DOCK2: variants seen among roughly 807,000 people sequenced by gnomAD.
DOCK2 encodes dedicator of cytokinesis 2.
DOCK2 carries 87 observed loss-of-function variants against 248.9 expected under a neutral mutation model. The observed-to-expected ratio is 0.35, with a 90% CI of 0.29 to 0.42. The LOEUF (loss-of-function observed/expected upper bound fraction) is 0.42, where lower values mean the gene tolerates loss of function less well. Ranked by LOEUF, DOCK2 falls within the 10% of genes least tolerant of loss-of-function variation. The pLI, the probability that DOCK2 is intolerant of heterozygous loss-of-function variation, is 1.00. For synonymous variants in DOCK2, 805 were observed against 821.6 expected (o/e 0.98, Z 0.35); for missense variants, 1,747 against 2,300.2 (o/e 0.76, Z 4.92).
At chr5:169,979,303 C>T in intron 27 of DOCK2, among the ~76,000 whole-genome samples, 1 of 152,174 alleles carries the variant, frequency 6.6e-6, no homozygotes, top group African/African-American at 2.4e-5. Flanking sequence ...ATTCCCCCAC[C>T]CCTATTCCTA....
Position 170,082,810 on chromosome 5 carries a change from G to A in DOCK2, c.5445G>A (p.Ser1815=), listed in dbSNP as rs200128185. 8.9e-4 allele frequency: 1,439 copies of A among 1,614,132 alleles called. 2 individuals are homozygous for A. In the East Asian group the frequency reaches 0.014, roughly 15 times the overall value. The change falls in exon 52 of 52, where the codon TCG becomes TCA. Residue 1815 remains serine, a synonymous_variant. Transcript: ENST00000520908. ...TCTCTCAAAAGCTGGCCAGCAAATC[G>A]GCTGAAGAAGGCAAACAGATCCCAG... is the stretch of plus-strand genomic sequence containing the variant. The part of the protein sequence containing the change: ...QFFKTMLASK[S]AEEGKQIPDS...
intron 7 of DOCK2, among the ~76,000 whole-genome samples, chr5:169,683,805 T>A (rs1759803777): frequency 6.6e-6 from 1 of 152,268 alleles, no homozygotes; most frequent in Admixed American, 6.5e-5. Flanking sequence ...TTGTAAGAGT[T>A]ATTTGTATGT....
At chr5:169,958,228 CA>C (rs34936678) in intron 27 of DOCK2, among the ~76,000 whole-genome samples, 109,718 of 150,354 alleles carry the variant, frequency 0.73, 40,392 homozygotes, top group African/African-American at 0.85. Context: ...CTTTGTTTTG[CA>C]AAAAAAAAAG....
At position 169,727,346 on chromosome 5, in the gene DOCK2, G is replaced by A. The variant is rs543241150; in HGVS notation, c.2267+8555G>A. ...AGAAAGGTACAGAAAGTGACTCCAGGTCACACTCTAGATGTCGGCGGGGAG... is the reference window on the plus strand; with the variant it reads ...AGAAAGGTACAGAAAGTGACTCCAGATCACACTCTAGATGTCGGCGGGGAG... On this transcript the variant is annotated intron_variant, in intron 22 of 51. Coordinates refer to ENST00000520908, the MANE Select transcript of DOCK2 (RefSeq NM_004946.3). Among the ~76,000 whole-genome samples the A allele has an allele frequency of 5.7e-4, 87 of 152,256 alleles. 1 individual carries two copies. The South Asian group carries it at 0.018, about 31-fold the overall frequency.
At chr5:169,886,408 A>G (rs933061468) in intron 27 of DOCK2, among the ~76,000 whole-genome samples, 2 of 152,204 alleles carry the variant, frequency 1.3e-5, no homozygotes, top group Admixed American at 1.3e-4. Context: ...TAGGACTTTT[A>G]GGTCTGGGAG....
At chr5:169,949,107 T>C (rs1241309886) in intron 27 of DOCK2, among the ~76,000 whole-genome samples, 1 of 152,240 alleles carries the variant, frequency 6.6e-6, no homozygotes, top group East Asian at 1.9e-4. Flanking sequence ...TGTATAGCCC[T>C]GTATTCGAAT....
intron 27 of DOCK2, among the ~76,000 whole-genome samples, chr5:169,910,324 C>A (rs1774524619): frequency 6.6e-6 from 1 of 152,250 alleles, no homozygotes; most frequent in South Asian, 2.1e-4. Flanking sequence ...CTCTTTTGAG[C>A]CCTGTAATTA....
At chr5:170,051,201 C>T (rs1422294464) in intron 41 of DOCK2, among the ~76,000 whole-genome samples, 1 of 152,164 alleles carries the variant, frequency 6.6e-6, no homozygotes, top group Non-Finnish European at 1.5e-5. Context: ...AGGAGCATAG[C>T]AGGCTCCACA....
At chr5:169,870,545 GC>G (rs1366371873) in intron 27 of DOCK2, among the ~76,000 whole-genome samples, 2 of 151,834 alleles carry the variant, frequency 1.3e-5, no homozygotes, top group Non-Finnish European at 2.9e-5. Flanking sequence ...TTTTGAATTT[GC>G]AAAGTATTTT....
intron 46 of DOCK2, among the ~76,000 whole-genome samples, chr5:170,071,177 T>C (rs922049911): frequency 2.0e-5 from 3 of 152,182 alleles, no homozygotes; most frequent in African/African-American, 7.2e-5. Context: ...CTTTTAACAT[T>C]ATCACATGCA....
chr5:169,853,240 G>A (rs1366519598), intron 27 of DOCK2, among the ~76,000 whole-genome samples: 1 of 152,154 alleles, frequency 6.6e-6, no homozygotes, highest in Non-Finnish European at 1.5e-5. Flanking sequence ...TCTTTGTTTT[G>A]TACATTGTCC....
chr5:169,689,550 T>C (rs1174940700), intron 9 of DOCK2, among the ~76,000 whole-genome samples: 1 of 152,190 alleles, frequency 6.6e-6, no homozygotes, highest in Non-Finnish European at 1.5e-5. Context: ...CATCTCTCCC[T>C]ATCCGTCTCA....
At chr5:169,680,407 CAG>C (rs1354991196) in intron 6 of DOCK2, among the ~76,000 whole-genome samples, 1 of 152,180 alleles carries the variant, frequency 6.6e-6, no homozygotes, top group Non-Finnish European at 1.5e-5. Context: ...CAATACCAAA[CAG>C]GGAAAAGCTT....
chr5:169,691,445 A>T (rs1318931010), intron 9 of DOCK2, among the ~76,000 whole-genome samples: 1 of 152,204 alleles, frequency 6.6e-6, no homozygotes, highest in Non-Finnish European at 1.5e-5. Flanking sequence ...CCTACTATGC[A>T]TGTGCTCTGT....
chr5:169,938,226 T>A (rs1037966416), intron 27 of DOCK2, among the ~76,000 whole-genome samples: 1 of 139,478 alleles, frequency 7.2e-6, no homozygotes, highest in African/African-American at 2.6e-5. Flanking sequence ...TTCTTTCTTC[T>A]TTTTTTTTTT....
chr5:170,050,075 G>T (rs1188860487), intron 40 of DOCK2, among the ~76,000 whole-genome samples, 181 bp from the exon 41 acceptor site: 1 of 152,166 alleles, frequency 6.6e-6, no homozygotes, highest in Non-Finnish European at 1.5e-5. Context: ...CTTTAAAGTA[G>T]TGATGGCCTC....
intron 1 of DOCK2, among the ~76,000 whole-genome samples, chr5:169,642,534 C>G (rs1394513670): frequency 6.6e-6 from 1 of 152,198 alleles, no homozygotes. Context: ...TTAATACATG[C>G]ATCTTTGCTA....
At chr5:169,743,731 A>G (rs1015125933) in intron 22 of DOCK2, among the ~76,000 whole-genome samples, 7 of 151,554 alleles carry the variant, frequency 4.6e-5, no homozygotes, top group Non-Finnish European at 7.4e-5. Context: ...TCTTCTTCCC[A>G]GCTGTAGTCA....
chr5:169,783,887 T>C (rs1765843569), intron 25 of DOCK2, among the ~76,000 whole-genome samples: 1 of 152,236 alleles, frequency 6.6e-6, no homozygotes, highest in African/African-American at 2.4e-5. Flanking sequence ...TATTTGTTTT[T>C]TCCCCTCACA....
Sources: gnomAD v4.1 joint callset for allele counts (sites outside exome capture counted in the v4.1 genomes callset) on GRCh38, gnomAD v4.1.1 for gene constraint, MANE v1.5 for transcripts, NCBI Gene and HGNC (gene_info 2026-07-23, HGNC 2026-07-21) for gene names.